Variants in EHBP1L1 observed in about 807,000 individuals in gnomAD.
The protein encoded by EHBP1L1 is EH domain-binding protein 1-like protein 1.
In EHBP1L1, 122 loss-of-function variants were observed where a neutral mutation model predicts 151.1. The ratio of observed to expected loss-of-function variants is 0.81; its 90% CI spans 0.70 to 0.94. The LOEUF (loss-of-function observed/expected upper bound fraction) is 0.94, where lower values mean the gene tolerates loss of function less well. EHBP1L1 is among the 40% of genes least tolerant of loss of function. The probability of loss-of-function intolerance (pLI) is 0.00; values close to 1 mark genes in which losing one functional copy is unlikely to be tolerated. For synonymous variants in EHBP1L1, 878 were observed against 810.1 expected, an observed-to-expected ratio of 1.08 and a Z score of -1.42; for missense variants, 1,941 against 1,959.8, an observed-to-expected ratio of 0.99 and a Z score of 0.18.
chr11:65,586,209 G>A (rs748270639), intron 12 of EHBP1L1, among the ~76,000 whole-genome samples: 2 of 152,208 alleles, frequency 1.3e-5, no homozygotes, highest in African/African-American at 2.4e-5. Context: ...TGTCCCTGCT[G>A]TCATCCCCTA....
rs753019983 is a variant in EHBP1L1 at position 65,585,381 on chromosome 11, C to T, written c.3723C>T (p.Asn1241=). ...AGGTCCCGGCCGAGGGGCTGGTGAA[C>T]GGGGCGGGGGCACCGGGCGGCGGCG... ...PAEVPAEGLV[N]GAGAPGGGGV... Residue 1241 remains asparagine, a synonymous_variant, in exon 12 of 19, where the codon AAC becomes AAT. Coordinates refer to ENST00000309295, the MANE Select transcript of EHBP1L1 (RefSeq NM_001099409.3). The surrounding 1 kb of genome is among the most constrained non-coding windows in gnomAD (Gnocchi z 4.0). 9 of 1,215,612 alleles carry T rather than the reference C, an allele frequency of 7.4e-6. No individual in the cohort carries two copies. Among genetic ancestry groups the T allele is most frequent in the East Asian group, 4.6e-5 (1 of 21,868 alleles). The allele number at this position is 1,215,612 out of a possible 1,614,324, so 75.3% of individuals were successfully genotyped here. A position where few individuals can be genotyped will look rare whatever the true frequency, so the allele number is the denominator to read the frequency against.
At chr11:65,587,683 C>T (rs1461308893) in intron 12 of EHBP1L1, among the ~76,000 whole-genome samples, 1 of 152,212 alleles carries the variant, frequency 6.6e-6, no homozygotes. Context: ...TGGGCTTTCT[C>T]CCATTTTACA....
chr11:65,580,146 C>G lies in EHBP1L1; in HGVS notation c.378C>G (p.Pro126=), dbSNP rs766528048. The part of the protein sequence containing the change: ...AEVDLARHAG[P]VPVQVPVRLR... ...TGGACCTGGCCCGCCATGCAGGGCC[C>G]GTGCCTGTCCAAGTCCCAGTGAGGC... The change falls in exon 5 of 19, where the codon CCC becomes CCG. Residue 126 remains proline (P), a synonymous_variant. Coordinates refer to ENST00000309295, the MANE Select transcript of EHBP1L1 (RefSeq NM_001099409.3). 2 of 1,613,662 alleles carry G rather than the reference C, an allele frequency of 1.2e-6. No individual in the cohort carries two copies. The highest frequency in any genetic ancestry group is 1.7e-5 in the Admixed American group (1 of 60,012).
chr11:65,578,712 G>A (rs1008035160), intron 1 of EHBP1L1, among the ~76,000 whole-genome samples: 6 of 152,238 alleles, frequency 3.9e-5, no homozygotes, highest in South Asian at 2.1e-4. Context: ...TGGAGTCTGC[G>A]TGTGTGCACG....
At chr11:65,592,141 C>T in intron 18 of EHBP1L1, 51 bp downstream of exon 18, 2 of 1,610,006 alleles carry the variant, frequency 1.2e-6, no homozygotes, top group South Asian at 1.1e-5. Context: ...GGACTTGCTC[C>T]CGCAGAGGGC....
In EHBP1L1 at chr11:65,582,307, G is replaced by A. The variant is rs2135265791; in HGVS notation, c.1635G>A (p.Leu545=). ...RPQVSSWQGA[L]LSTAQGAISR... ...AGGTGAGCAGCTGGCAGGGGGCCCTGTTATCAACTGCCCAGGGGGCAATAT... is the reference window on the plus strand; with the variant it reads ...AGGTGAGCAGCTGGCAGGGGGCCCTATTATCAACTGCCCAGGGGGCAATAT... Residue 545 remains leucine, a synonymous_variant, in exon 9 of 19, where the codon CTG becomes CTA. Coordinates refer to ENST00000309295, the MANE Select transcript of EHBP1L1 (RefSeq NM_001099409.3). The A allele has an allele frequency of 2.0e-6, 3 of 1,535,294 alleles. No individual in the cohort carries two copies. Among genetic ancestry groups the A allele is most frequent in the Non-Finnish European group, 2.6e-6 (3 of 1,146,592 alleles).
Position 65,591,525 on chromosome 11 carries a change from G to C in EHBP1L1, c.4284-275G>C. ...AGAATAACTGTAGCCAGTGCTTCCTGTTTATGAGTACTGTTCATCCAAATA... is the reference window on the plus strand; with the variant it reads ...AGAATAACTGTAGCCAGTGCTTCCTCTTTATGAGTACTGTTCATCCAAATA... On this transcript the variant is annotated intron_variant, in intron 16 of 18. Coordinates refer to ENST00000309295, the MANE Select transcript of EHBP1L1 (RefSeq NM_001099409.3). 7.1e-6 allele frequency: 4 copies of C among 564,108 alleles called. No homozygotes were observed. In the East Asian group the frequency reaches 1.2e-4, roughly 17 times the overall value. The allele number at this position is 564,108 out of a possible 1,614,324, so 34.9% of individuals were successfully genotyped here. A position where few individuals can be genotyped will look rare whatever the true frequency, so the allele number is the denominator to read the frequency against.
At chr11:65,579,465 G>GCTAGAGA in intron 3 of EHBP1L1, 29 bp downstream of exon 3, 1 of 1,438,456 alleles carries the variant, frequency 7.0e-7, no homozygotes, top group Non-Finnish European at 9.2e-7. Context: ...AGCATGGATG[G>GCTAGAGA]CAATTGCAAC....
chr11:65,581,419 G>A (rs751468620), intron 8 of EHBP1L1, 46 bp downstream of exon 8: 24 of 1,480,368 alleles, frequency 1.6e-5, no homozygotes, highest in Non-Finnish European at 2.1e-5. Context: ...CCTGATAGGA[G>A]CTGCAGTCCT....
At chr11:65,577,122 C>T (rs979839708) in intron 1 of EHBP1L1, among the ~76,000 whole-genome samples, 5 of 152,178 alleles carry the variant, frequency 3.3e-5, no homozygotes, top group Non-Finnish European at 7.4e-5. Flanking sequence ...AGGGGCATCT[C>T]GTTCACATGC....
Position 65,589,974 on chromosome 11 carries a change from G to A in EHBP1L1, c.4042G>A (p.Gly1348Arg), listed in dbSNP as rs1371103577. The change falls in exon 14 of 19, where the codon GGG becomes AGG. Residue 1348 changes from glycine to arginine, a missense_variant. Physicochemically the swap from Gly to Arg is moderately radical, Grantham distance 125. Coordinates refer to ENST00000309295, the MANE Select transcript of EHBP1L1 (RefSeq NM_001099409.3). ...SPSEEPPPSP[G>R]EEAGLQRFQD... ...CTCGGAGGAACCACCCCCAAGCCCA[G>A]GGGAGGAGGCTGGGCTGGTAAGGAG... The A allele has an allele frequency of 1.9e-6, 3 of 1,593,086 alleles. No individual in the cohort carries two copies. Among genetic ancestry groups the A allele is most frequent in the Admixed American group, 3.4e-5 (2 of 58,342 alleles).
chr11:65,581,111 C>A lies in EHBP1L1; in HGVS notation c.688C>A (p.Arg230=), dbSNP rs780383774. The A allele has an allele frequency of 6.2e-7, 1 of 1,612,906 alleles. No individual in the cohort carries two copies. Among genetic ancestry groups the A allele is most frequent in the Non-Finnish European group, 8.5e-7 (1 of 1,179,654 alleles). The change falls in exon 7 of 19, where the codon CGA becomes AGA. Residue 230 remains arginine, a synonymous_variant. Transcript: ENST00000309295. ...TGAGGAGGAGGAGGAAGGCCAAGGA[C>A]GACCCCAGCAGGCAGGTGAGACCCA... The part of the protein sequence containing the change: ...LCEEEEEGQG[R]PQQAVASPSN...
At chr11:65,580,587 T>C (rs1459806609) in intron 6 of EHBP1L1, 108 bp downstream of exon 6, 2 of 1,450,422 alleles carry the variant, frequency 1.4e-6, no homozygotes, top group Non-Finnish European at 1.9e-6. Flanking sequence ...AACTCATTAC[T>C]GCCCAGGCAG....
rs1199071020 is a variant in EHBP1L1, at chr11:65,581,114, C to A, written c.691C>A (p.Pro231Thr). ...CEEEEEGQGR[P>T]QQAVASPSNA... ...GGAGGAGGAGGAAGGCCAAGGACGACCCCAGCAGGCAGGTGAGACCCAGGC... is the reference window on the plus strand; with the variant it reads ...GGAGGAGGAGGAAGGCCAAGGACGAACCCAGCAGGCAGGTGAGACCCAGGC... Residue 231 changes from proline to threonine, a missense_variant, in exon 7 of 19, where the codon CCC becomes ACC. Coordinates refer to ENST00000309295, the MANE Select transcript of EHBP1L1 (RefSeq NM_001099409.3). The A allele has an allele frequency of 6.2e-7, 1 of 1,613,002 alleles. No individual in the cohort carries two copies. The highest frequency in any genetic ancestry group is 2.2e-5 in the East Asian group (1 of 44,874).
chr11:65,583,353 G>T lies in EHBP1L1; in HGVS notation c.2681G>T (p.Gly894Val), dbSNP rs746280822. ...SGVQEAETRV[G>V]SALKYEALRA... ...GTCCAGGAAGCAGAGACTAGAGTTG[G>T]GAGTGCTCTCAAATATGAGGCTTTA... Residue 894 changes from glycine (G) to valine (V), a missense_variant, in exon 9 of 19, where the codon GGG becomes GTG. Coordinates refer to ENST00000309295, the MANE Select transcript of EHBP1L1 (RefSeq NM_001099409.3). 6.2e-7 allele frequency: 1 copy of T among 1,613,568 alleles called. No homozygotes were observed. Among genetic ancestry groups the T allele is most frequent in the Non-Finnish European group, 8.5e-7 (1 of 1,179,718 alleles).
At chr11:65,589,703 G>A in intron 12 of EHBP1L1, 48 bp from the exon 13 acceptor site, 8 of 1,488,322 alleles carry the variant, frequency 5.4e-6, no homozygotes, top group South Asian at 1.3e-5. Context: ...CCCAGGCCCA[G>A]GCTGGTGGGA....
Position 65,585,517 on chromosome 11 carries a change from C to T in EHBP1L1, c.3859C>T (p.Arg1287Cys), listed in dbSNP as rs555809346. 1.3e-6 allele frequency: 2 copies of T among 1,568,174 alleles called. No individual in the cohort carries two copies. The highest frequency in any genetic ancestry group is 1.2e-5 in the South Asian group (1 of 86,478). The stretch of plus-strand genomic sequence containing the variant: ...CGACGCGGACCTGCTCAAGAAGAGG[C>T]GCTCGCGGCTGCGGAACAGCAGCTC... ...VRDADLLKKR[R>C]SRLRNSSSFS... is the part of the protein sequence containing the mutation. Residue 1287 changes from arginine (R) to cysteine (C), a missense_variant, in exon 12 of 19, where the codon CGC (arginine) becomes TGC (cysteine). Transcript: ENST00000309295. The surrounding 1 kb of genome is among the most constrained non-coding windows in gnomAD (Gnocchi z 4.0).
intron 16 of EHBP1L1, 37 bp from the exon 17 acceptor site, chr11:65,591,763 G>GCCCCCCCCCCCCCC: frequency 8.9e-7 from 1 of 1,128,588 alleles, no homozygotes; most frequent in Non-Finnish European, 1.3e-6. Flanking sequence ...TTCCTGAACT[G>GCCCCCCCCCCCCCC]CCACCCCCCC....
At chr11:65,589,586 G>C (rs972593206) in intron 12 of EHBP1L1, among the ~76,000 whole-genome samples, 165 bp from the exon 13 acceptor site, 16 of 152,208 alleles carry the variant, frequency 1.1e-4, no homozygotes, top group African/African-American at 3.9e-4. Flanking sequence ...CTTGGAAGGA[G>C]GTGGGCCCGG....
Sources: allele counts gnomAD v4.1 joint callset (sites outside exome capture counted in the v4.1 genomes callset), GRCh38; gene constraint gnomAD v4.1.1; non-coding constraint Gnocchi (gnomAD v3.1); transcripts MANE v1.5; gene names NCBI Gene and HGNC (gene_info 2026-07-23, HGNC 2026-07-21).